PARL: variants seen among roughly 807,000 people sequenced by gnomAD.
The protein encoded by PARL is presenilin-associated rhomboid-like protein, mitochondrial.
Under a neutral mutation model 51.6 loss-of-function variants are expected in PARL, and 44 were observed. The ratio of observed to expected loss-of-function variants is 0.85; its 90% CI spans 0.67 to 1.10. The LOEUF is 1.10. Ranked by LOEUF, PARL falls within the 50% of genes least tolerant of loss-of-function variation. The pLI is 0.00. For synonymous variants in PARL, 172 were observed against 164.0 expected, an observed-to-expected ratio of 1.05 and a Z score of -0.37; for missense variants, 441 against 469.5, an observed-to-expected ratio of 0.94 and a Z score of 0.56.
intron 1 of PARL, among the ~76,000 whole-genome samples, chr3:183,870,916 C>T (rs1274010708): frequency 6.6e-6 from 1 of 152,096 alleles, no homozygotes; most frequent in Non-Finnish European, 1.5e-5. Context: ...AATATATCTC[C>T]TCCTCCAGGA....
At chr3:183,846,656 C>T (rs896681532) in intron 4 of PARL, 1 of 985,082 alleles carries the variant, frequency 1.0e-6, no homozygotes, top group Non-Finnish European at 1.2e-6. Flanking sequence ...ACTTCATAAG[C>T]CAGTGGTCAT....
intron 1 of PARL, among the ~76,000 whole-genome samples, chr3:183,877,934 G>A (rs774307665): frequency 1.3e-5 from 2 of 152,024 alleles, no homozygotes; most frequent in Non-Finnish European, 2.9e-5. Flanking sequence ...GGGACTCCAG[G>A]CACACACCAG....
intron 4 of PARL, among the ~76,000 whole-genome samples, chr3:183,859,367 T>G (rs188569462): frequency 2.6e-5 from 4 of 152,268 alleles, no homozygotes; most frequent in African/African-American, 9.6e-5. Context: ...AGACAGAGTC[T>G]CACTCTACTG....
At chr3:183,837,167 AC>A (rs1363897589) in intron 7 of PARL, among the ~76,000 whole-genome samples, 1 of 152,192 alleles carries the variant, frequency 6.6e-6, no homozygotes, top group Non-Finnish European at 1.5e-5. Flanking sequence ...ACAGCTAAAG[AC>A]CCTGGGTGTT....
At chr3:183,873,011 A>G (rs1733390055) in intron 1 of PARL, among the ~76,000 whole-genome samples, 1 of 152,204 alleles carries the variant, frequency 6.6e-6, no homozygotes, top group African/African-American at 2.4e-5. Context: ...CAGTTTATTT[A>G]CTGCCAAATG....
chr3:183,865,162 G>A (rs1732320977), intron 3 of PARL, among the ~76,000 whole-genome samples: 1 of 151,946 alleles, frequency 6.6e-6, no homozygotes, highest in Admixed American at 6.6e-5. Context: ...GAAATAATTG[G>A]CCCAGCATGG....
intron 4 of PARL, among the ~76,000 whole-genome samples, chr3:183,862,299 C>T (rs930667043): frequency 6.6e-6 from 1 of 152,178 alleles, no homozygotes; most frequent in Non-Finnish European, 1.5e-5. Flanking sequence ...AAACTCTGCT[C>T]TATTGCTTAC....
Position 183,839,969 on chromosome 3 carries a change from A to G in PARL, c.828+601T>C, listed in dbSNP as rs565232940. 3.9e-5 allele frequency among the ~76,000 whole-genome samples: 6 copies of G among 152,128 alleles called. No homozygotes were observed. The East Asian group carries it at 1.2e-3, about 29-fold the overall frequency. The stretch of plus-strand genomic sequence containing the variant: ...GGGCTGGTTTCGAATTCTTGGGCTC[A>G]TCCTCTCACCTTGGCCTCCCAAAGT... On this transcript the variant is annotated intron_variant, in intron 7 of 9. Transcript: ENST00000317096.
intron 2 of PARL, 31 bp downstream of exon 2, chr3:183,867,834 G>A (rs752317534): frequency 6.7e-7 from 1 of 1,494,512 alleles, no homozygotes; most frequent in South Asian, 1.1e-5. Context: ...TTCTAGCAAG[G>A]TAGGTAACTC....
chr3:183,879,111 A>C (rs1734156123), intron 1 of PARL, among the ~76,000 whole-genome samples: 1 of 152,224 alleles, frequency 6.6e-6, no homozygotes. Context: ...AAAGAATTCC[A>C]ATACAAATGT....
intron 1 of PARL, chr3:183,879,763 C>CTGGA: frequency 2.2e-6 from 2 of 907,126 alleles, no homozygotes; most frequent in Non-Finnish European, 2.6e-6. Flanking sequence ...GTCACCCAGG[C>CTGGA]TGGAGTGCAG....
chr3:183,883,819 G>A (rs888811061), intron 1 of PARL: 1 of 353,148 alleles, frequency 2.8e-6, no homozygotes, highest in African/African-American at 2.2e-5. Context: ...GGGAGGACTG[G>A]GGTGAGGCCT....
At chr3:183,830,261 T>C (rs1453023567) in intron 9 of PARL, among the ~76,000 whole-genome samples, 1 of 152,206 alleles carries the variant, frequency 6.6e-6, no homozygotes, top group Non-Finnish European at 1.5e-5. Flanking sequence ...ACAGCCTAAC[T>C]GCGGCCTGAA....
intron 4 of PARL, among the ~76,000 whole-genome samples, chr3:183,860,231 G>T (rs780476038): frequency 8.5e-5 from 13 of 152,078 alleles, no homozygotes; most frequent in Non-Finnish European, 1.5e-4. Context: ...TGGACTAATT[G>T]GCACCCCAGG....
At chr3:183,832,734 G>C (rs1291244850) in intron 9 of PARL, among the ~76,000 whole-genome samples, 1 of 152,140 alleles carries the variant, frequency 6.6e-6, no homozygotes, top group Non-Finnish European at 1.5e-5. Flanking sequence ...ACTAGTCTAG[G>C]CAAAACCCCA....
chr3:183,827,740 T>A (rs1183005014), downstream of PARL, among the ~76,000 whole-genome samples: 10 of 151,844 alleles, frequency 6.6e-5, no homozygotes. Context: ...TTGAGGGGCC[T>A]GTGCAGGGCG....
intron 1 of PARL, among the ~76,000 whole-genome samples, chr3:183,879,203 A>G (rs1734164183): frequency 6.6e-6 from 1 of 152,226 alleles, no homozygotes; most frequent in Non-Finnish European, 1.5e-5. Flanking sequence ...ATTTCATTTG[A>G]TGAGACACAC....
chr3:183,832,962 A>G (rs773859212), intron 9 of PARL, among the ~76,000 whole-genome samples: 95 of 152,208 alleles, frequency 6.2e-4, no homozygotes, highest in Admixed American at 1.6e-3. Flanking sequence ...TAGTAATAGT[A>G]TAACATAAGG....
At chr3:183,882,928 T>C (rs980749294) in intron 1 of PARL, among the ~76,000 whole-genome samples, 34 of 152,194 alleles carry the variant, frequency 2.2e-4, no homozygotes, top group African/African-American at 8.0e-4. Context: ...AACATATAGC[T>C]AATAAAGGTT....
Sources: gnomAD v4.1 joint callset for allele counts (sites outside exome capture counted in the v4.1 genomes callset) on GRCh38, gnomAD v4.1.1 for gene constraint, MANE v1.5 for transcripts, NCBI Gene and HGNC (gene_info 2026-07-23, HGNC 2026-07-21) for gene names.